CNTNAP2: variants seen among roughly 807,000 people sequenced by gnomAD.
CNTNAP2 encodes contactin-associated protein-like 2.
A neutral mutation model predicts 155.2 loss-of-function variants in CNTNAP2; 98 were observed. The ratio of observed to expected loss-of-function variants is 0.63; its 90% CI spans 0.54 to 0.75. The LOEUF (loss-of-function observed/expected upper bound fraction) is 0.75. Ranked by LOEUF, CNTNAP2 falls within the 30% of genes least tolerant of loss-of-function variation. CNTNAP2 has a pLI of 0.00. For missense variants in CNTNAP2, 1,727 were observed against 1,688.1 expected (o/e 1.02, Z -0.40); for synonymous variants, 651 against 631.2 (o/e 1.03, Z -0.47).
intron 15 of CNTNAP2, among the ~76,000 whole-genome samples, chr7:148,010,241 A>G (rs895678988): frequency 9.9e-5 from 15 of 151,624 alleles, no homozygotes; most frequent in African/African-American, 3.4e-4. Context: ...AATATATATT[A>G]TTTACATAAA....
chr7:146,226,932 C>G (rs1799301916), intron 1 of CNTNAP2, among the ~76,000 whole-genome samples: 1 of 151,910 alleles, frequency 6.6e-6, no homozygotes, highest in Admixed American at 6.6e-5. Flanking sequence ...AGAAATGTTA[C>G]TTTTGAAAGA....
chr7:148,044,005 T>C (rs1802724233), intron 15 of CNTNAP2, among the ~76,000 whole-genome samples: 1 of 152,182 alleles, frequency 6.6e-6, no homozygotes, highest in Non-Finnish European at 1.5e-5. Flanking sequence ...TCTTACATGG[T>C]TAAAGATACG....
intron 13 of CNTNAP2, among the ~76,000 whole-genome samples, chr7:147,667,799 AAAAAAAAATAAT>A (rs1458181218): frequency 6.7e-6 from 1 of 148,664 alleles, no homozygotes; most frequent in Non-Finnish European, 1.5e-5. Context: ...CTGCTGCAAA[AAAAAAAAATAAT>A]AAAAAAAATA....
intron 10 of CNTNAP2, among the ~76,000 whole-genome samples, chr7:147,437,971 G>A (rs1797579514): frequency 6.6e-6 from 1 of 151,920 alleles, no homozygotes; most frequent in African/African-American, 2.4e-5. Context: ...TTTGTTTCCT[G>A]CAACTTTACA....
chr7:148,088,490 T>A (rs937714439), intron 15 of CNTNAP2, among the ~76,000 whole-genome samples: 1 of 151,748 alleles, frequency 6.6e-6, no homozygotes, highest in African/African-American at 2.4e-5. Context: ...GGAGACATCA[T>A]AACCTATACC....
intron 11 of CNTNAP2, among the ~76,000 whole-genome samples, chr7:147,525,148 T>C (rs1446433115): frequency 6.6e-6 from 1 of 152,228 alleles, no homozygotes; most frequent in Non-Finnish European, 1.5e-5. Context: ...TTGCTTAACA[T>C]ATTTGTTTTG....
chr7:147,363,538 A>T (rs1584900603), intron 9 of CNTNAP2, among the ~76,000 whole-genome samples: 1 of 152,198 alleles, frequency 6.6e-6, no homozygotes, highest in Admixed American at 6.5e-5. Context: ...ATTCTTTTTT[A>T]AAAATGTTCT....
chr7:146,544,274 G>A (rs1797996291), intron 1 of CNTNAP2, among the ~76,000 whole-genome samples: 1 of 151,812 alleles, frequency 6.6e-6, no homozygotes, highest in South Asian at 2.1e-4. Context: ...CTGACAATGT[G>A]GCCACATGCA....
chr7:148,091,579 G>T (rs914779663), intron 15 of CNTNAP2, among the ~76,000 whole-genome samples: 1 of 152,090 alleles, frequency 6.6e-6, no homozygotes, highest in Non-Finnish European at 1.5e-5. Context: ...TCAACAAATA[G>T]CAATGTTTGT....
intron 1 of CNTNAP2, among the ~76,000 whole-genome samples, chr7:146,680,211 G>A (rs1800477874): frequency 6.6e-6 from 1 of 152,088 alleles, no homozygotes; most frequent in Non-Finnish European, 1.5e-5. Context: ...GTTCGTTTGT[G>A]AGCAATAGAA....
chr7:147,033,799 A>G (rs573073984), intron 3 of CNTNAP2, among the ~76,000 whole-genome samples: 90 of 114,562 alleles, frequency 7.9e-4, no homozygotes, highest in African/African-American at 2.1e-3. Flanking sequence ...TGAAGAGGGG[A>G]AAAAAAAAAA....
chr7:147,561,110 G>A (rs76292553), intron 11 of CNTNAP2, among the ~76,000 whole-genome samples: 2 of 151,974 alleles, frequency 1.3e-5, no homozygotes, highest in Admixed American at 6.6e-5. Context: ...CTCAGTGAAA[G>A]CTCTCTAATT....
At chr7:148,022,260 GA>G (rs1404990748) in intron 15 of CNTNAP2, among the ~76,000 whole-genome samples, 4 of 152,064 alleles carry the variant, frequency 2.6e-5, no homozygotes, top group African/African-American at 7.2e-5. Context: ...CTGAGCTCAG[GA>G]GTTCGAGACC....
At chr7:147,379,186 C>A (rs1796491765) in intron 9 of CNTNAP2, among the ~76,000 whole-genome samples, 1 of 152,072 alleles carries the variant, frequency 6.6e-6, no homozygotes, top group Non-Finnish European at 1.5e-5. Context: ...TTATAAATTA[C>A]CAGTCTTGCC....
intron 3 of CNTNAP2, among the ~76,000 whole-genome samples, chr7:146,990,369 G>A (rs953156134): frequency 2.0e-5 from 3 of 152,246 alleles, no homozygotes; most frequent in South Asian, 2.1e-4. Context: ...AAAAACAAGT[G>A]TATCCCCATG....
chr7:147,923,493 C>A (rs185787940), intron 14 of CNTNAP2, among the ~76,000 whole-genome samples: 1 of 152,176 alleles, frequency 6.6e-6, no homozygotes, highest in African/African-American at 2.4e-5. Context: ...TTCCCCTAGG[C>A]CCTTCTCTCC....
chr7:146,861,216 C>A (rs531733892), intron 3 of CNTNAP2, among the ~76,000 whole-genome samples: 34 of 151,926 alleles, frequency 2.2e-4, no homozygotes, highest in Non-Finnish European at 3.2e-4. Context: ...TCATGCCCAG[C>A]TAATTTTTGT....
chr7:148,144,049 A>T (rs1399738529), intron 16 of CNTNAP2, among the ~76,000 whole-genome samples: 2 of 152,224 alleles, frequency 1.3e-5, no homozygotes, highest in African/African-American at 2.4e-5. Context: ...TTCCAGGGCA[A>T]AATCCGGTTA....
intron 3 of CNTNAP2, among the ~76,000 whole-genome samples, chr7:146,880,781 T>A (rs934540122): frequency 6.6e-6 from 1 of 152,174 alleles, no homozygotes; most frequent in South Asian, 2.1e-4. Flanking sequence ...AAACTCAAAC[T>A]TACAGAGGGC....
Sources: allele counts gnomAD v4.1 joint callset (sites outside exome capture counted in the v4.1 genomes callset), GRCh38; gene constraint gnomAD v4.1.1; transcripts MANE v1.5; gene names NCBI Gene and HGNC (gene_info 2026-07-23, HGNC 2026-07-21).